Variants in CASP6 observed in about 807,000 individuals in gnomAD.
The protein encoded by CASP6 is caspase-6.
CASP6 carries 20 observed loss-of-function variants against 31.8 expected under a neutral mutation model. The ratio of observed to expected loss-of-function variants is 0.63; its 90% CI spans 0.44 to 0.91. CASP6 has a LOEUF of 0.91. Ranked by LOEUF, CASP6 falls within the 40% of genes least tolerant of loss-of-function variation. CASP6 has a pLI of 0.00. For missense variants in CASP6, 328 were observed against 361.1 expected (o/e 0.91, Z 0.74); for synonymous variants, 130 against 127.8 (o/e 1.02, Z -0.12).
chr4:109,665,046 ATTG>A, the CASP6 span, among the ~76,000 whole-genome samples: 31 of 152,284 alleles, frequency 2.0e-4, no homozygotes, highest in African/African-American at 7.5e-4. Flanking sequence ...CACGCCCCTT[ATTG>A]TCAATATCCC....
chr4:109,689,711 T>G, intron 6 of CASP6, 143 bp from the exon 7 acceptor site: 2 of 674,250 alleles, frequency 3.0e-6, no homozygotes, highest in Non-Finnish European at 5.0e-6. Flanking sequence ...GGCTTTTAAA[T>G]TTTTTTGACT....
At chr4:109,677,970 T>C in the CASP6 span, among the ~76,000 whole-genome samples, 5 of 152,056 alleles carry the variant, frequency 3.3e-5, no homozygotes, top group Admixed American at 1.3e-4. Flanking sequence ...TGCGGCCTTC[T>C]GCAGTGTTTG....
the CASP6 span, among the ~76,000 whole-genome samples, chr4:109,664,660 T>C: frequency 6.6e-6 from 1 of 152,118 alleles, no homozygotes; most frequent in Non-Finnish European, 1.5e-5. Context: ...CTTTTACCTT[T>C]AGCTGTGAGG....
At chr4:109,703,703 C>CG (rs1188312061), upstream of CASP6, 7 of 479,146 alleles carry the variant, frequency 1.5e-5, no homozygotes, top group South Asian at 6.6e-5. Context: ...AGTTGCCACC[C>CG]GGGGGGACAC....
chr4:109,670,131 A>G, the CASP6 span, among the ~76,000 whole-genome samples: 1 of 152,352 alleles, frequency 6.6e-6, no homozygotes, highest in African/African-American at 2.4e-5. Flanking sequence ...ACTGCAGTAA[A>G]TAAGCCTTTT....
chr4:109,705,026 A>G (rs1235895342), upstream of CASP6, among the ~76,000 whole-genome samples: 3 of 152,184 alleles, frequency 2.0e-5, no homozygotes, highest in African/African-American at 7.2e-5. Context: ...TCTTAAATGT[A>G]TATGAAACGG....
chr4:109,697,016 G>A (rs1325002456), intron 3 of CASP6, among the ~76,000 whole-genome samples: 1 of 151,732 alleles, frequency 6.6e-6, no homozygotes, highest in African/African-American at 2.4e-5. Flanking sequence ...TCAATCTCCT[G>A]ACCTTATGAT....
downstream of CASP6, chr4:109,687,647 A>G: frequency 8.4e-7 from 1 of 1,186,286 alleles, no homozygotes; most frequent in Middle Eastern, 1.9e-4. Flanking sequence ...TTTGCAACTT[A>G]GGATGTTTTT....
chr4:109,690,247 A>AAAACGC (rs61007363), intron 6 of CASP6, among the ~76,000 whole-genome samples: 161 of 143,402 alleles, frequency 1.1e-3, no homozygotes, highest in Non-Finnish European at 1.7e-3. Flanking sequence ...AAAAAAAAAA[A>AAAACGC]ACGCACGCAC....
chr4:109,666,676 A>G, the CASP6 span, among the ~76,000 whole-genome samples: 2 of 152,104 alleles, frequency 1.3e-5, no homozygotes, highest in African/African-American at 2.4e-5. Context: ...GTTTGGGATA[A>G]CGGTCTTGTA....
At chr4:109,693,638 T>C (rs1730144383) in intron 5 of CASP6, among the ~76,000 whole-genome samples, 2 of 149,964 alleles carry the variant, frequency 1.3e-5, no homozygotes, top group African/African-American at 4.9e-5. Context: ...TGAGCCGAGA[T>C]TGCACCATTG....
the CASP6 span, among the ~76,000 whole-genome samples, chr4:109,668,253 A>G: frequency 6.6e-6 from 1 of 152,102 alleles, no homozygotes; most frequent in African/African-American, 2.4e-5. Flanking sequence ...AACTGTAAAC[A>G]TGAATTCATC....
chr4:109,680,081 C>T, the CASP6 span, among the ~76,000 whole-genome samples: 2 of 152,106 alleles, frequency 1.3e-5, no homozygotes, highest in Admixed American at 6.5e-5. Flanking sequence ...GTATTACAGG[C>T]GTGAACCACC....
At chr4:109,687,593 T>C (rs1409975897), downstream of CASP6, 1 of 1,594,114 alleles carries the variant, frequency 6.3e-7, no homozygotes, top group Non-Finnish European at 8.6e-7. Context: ...AAAGAATTAA[T>C]CTTACAGTTT....
chr4:109,703,508 C>A, upstream of CASP6: 1 of 1,390,988 alleles, frequency 7.2e-7, no homozygotes, highest in South Asian at 1.3e-5. Flanking sequence ...TGCCCCCGAG[C>A]GTGGGGCCAG....
At chr4:109,697,911 A>G (rs1185811358) in intron 2 of CASP6, 143 bp from the exon 3 acceptor site, 3 of 890,064 alleles carry the variant, frequency 3.4e-6, no homozygotes, top group Non-Finnish European at 5.0e-6. Flanking sequence ...AGGAAAGGCC[A>G]TGCTAATAAG....
upstream of CASP6, among the ~76,000 whole-genome samples, chr4:109,706,131 T>TTATATATATATATA (rs58847180): frequency 6.9e-3 from 247 of 35,954 alleles, no homozygotes; most frequent in Middle Eastern, 0.024. Flanking sequence ...CCTATCCATT[T>TTATATATATATATA]TATATATATA....
chr4:109,697,819 A>G (rs997023919), intron 2 of CASP6, 51 bp from the exon 3 acceptor site: 4 of 1,579,764 alleles, frequency 2.5e-6, no homozygotes, highest in Middle Eastern at 1.7e-4. Context: ...TTAAATAATG[A>G]GCCCCTCCAA....
At chr4:109,693,558 G>A (rs1469469619) in intron 5 of CASP6, among the ~76,000 whole-genome samples, 3 of 151,776 alleles carry the variant, frequency 2.0e-5, no homozygotes, top group Non-Finnish European at 4.4e-5. Context: ...ATGATGGCAG[G>A]TGCCTGTAAT....
Sources: allele counts gnomAD v4.1 joint callset (sites outside exome capture counted in the v4.1 genomes callset), GRCh38; gene constraint gnomAD v4.1.1; transcripts MANE v1.5; gene names NCBI Gene and HGNC (gene_info 2026-07-23, HGNC 2026-07-21).